FGD4: variants seen among roughly 807,000 people sequenced by gnomAD.
The protein encoded by FGD4 is FYVE, RhoGEF and PH domain-containing protein 4.
FGD4 carries 42 observed loss-of-function variants against 102.0 expected under a neutral mutation model. The ratio of observed to expected loss-of-function variants is 0.41; its 90% CI spans 0.32 to 0.53. The LOEUF (loss-of-function observed/expected upper bound fraction) is 0.53, where lower values mean the gene tolerates loss of function less well. FGD4 is among the 20% of genes least tolerant of loss of function. FGD4 has a pLI of 0.21. For synonymous variants in FGD4, 380 were observed against 375.7 expected, an observed-to-expected ratio of 1.01 and a Z score of -0.13; for missense variants, 902 against 1,078.2, an observed-to-expected ratio of 0.84 and a Z score of 2.29.
chr12:32,575,319 C>T (rs1176396747), intron 2 of FGD4, among the ~76,000 whole-genome samples: 1 of 152,098 alleles, frequency 6.6e-6, no homozygotes, highest in African/African-American at 2.4e-5. Flanking sequence ...GTGAGAGCCT[C>T]AGGCTGCTTC....
chr12:32,640,739 G>A lies in FGD4; in HGVS notation c.*206G>A. ...TACCGATAAAGTTTTGAAATAATGT[G>A]AAAACTGGAGCATTTTTTGAGCTAT... On this transcript the variant is annotated 3_prime_UTR_variant, in exon 17 of 17. Transcript: ENST00000534526. 7.1e-6 allele frequency: 5 copies of A among 706,424 alleles called. No homozygotes were observed. Among genetic ancestry groups the A allele is most frequent in the Non-Finnish European group, 1.2e-5 (5 of 433,460 alleles). The allele number at this position is 706,424 out of a possible 1,614,324, so 43.8% of individuals were successfully genotyped here.
intron 14 of FGD4, 118 bp downstream of exon 14, chr12:32,625,897 G>A (rs1200007909): frequency 7.1e-7 from 1 of 1,417,536 alleles, no homozygotes; most frequent in Non-Finnish European, 9.9e-7. Context: ...ATTTATTTTG[G>A]TGCCAATTAC....
intron 1 of FGD4, among the ~76,000 whole-genome samples, chr12:32,523,642 A>G (rs1940780664): frequency 6.6e-6 from 1 of 152,248 alleles, no homozygotes; most frequent in African/African-American, 2.4e-5. Context: ...ATAAACTTTT[A>G]TCTGCTTGCA....
At chr12:32,484,460 A>G (rs1164095902) in intron 1 of FGD4, among the ~76,000 whole-genome samples, 2 of 152,208 alleles carry the variant, frequency 1.3e-5, no homozygotes, top group Non-Finnish European at 2.9e-5. Flanking sequence ...TTTGATTCTG[A>G]CTACAACATC....
intron 1 of FGD4, among the ~76,000 whole-genome samples, chr12:32,551,273 A>G (rs1020993967): frequency 5.9e-5 from 9 of 152,222 alleles, no homozygotes; most frequent in Admixed American, 3.3e-4. Context: ...CTGGAGGAGC[A>G]GAGACTAAGG....
chr12:32,603,526 C>T (rs1196116231), intron 7 of FGD4, among the ~76,000 whole-genome samples: 3 of 151,948 alleles, frequency 2.0e-5, no homozygotes, highest in Non-Finnish European at 4.4e-5. Context: ...GCTGGGACTA[C>T]AGGCGCCTGC....
At chr12:32,434,342 A>C (rs912506051) in intron 1 of FGD4, among the ~76,000 whole-genome samples, 1 of 152,232 alleles carries the variant, frequency 6.6e-6, no homozygotes, top group Non-Finnish European at 1.5e-5. Context: ...CTTCTAATTC[A>C]TAGAAAAGTT....
intron 1 of FGD4, among the ~76,000 whole-genome samples, chr12:32,496,100 C>T (rs1937800258): frequency 6.6e-6 from 1 of 152,184 alleles, no homozygotes; most frequent in African/African-American, 2.4e-5. Context: ...CTGATCATTA[C>T]ATTTTTGCTG....
At chr12:32,524,823 C>CAA (rs58484492) in intron 1 of FGD4, among the ~76,000 whole-genome samples, 165 of 126,524 alleles carry the variant, frequency 1.3e-3, no homozygotes, top group African/African-American at 3.6e-3. Flanking sequence ...GACACTGTTT[C>CAA]AAAAAAAAAA....
At chr12:32,555,792 G>A (rs147622087) in intron 1 of FGD4, among the ~76,000 whole-genome samples, 9,074 of 151,586 alleles carry the variant, frequency 0.06, 338 homozygotes, top group South Asian at 0.14. Flanking sequence ...GGATGGTCTC[G>A]ATCTCCTGAC....
intron 1 of FGD4, among the ~76,000 whole-genome samples, chr12:32,490,606 C>G (rs970872402): frequency 6.7e-6 from 1 of 148,494 alleles, no homozygotes; most frequent in African/African-American, 2.4e-5. Flanking sequence ...ACCATATTGG[C>G]CAGGCTGGTC....
intron 1 of FGD4, among the ~76,000 whole-genome samples, chr12:32,510,842 C>T (rs542589066): frequency 3.9e-4 from 60 of 152,228 alleles, no homozygotes; most frequent in Middle Eastern, 3.4e-3. Context: ...TATTCAACCC[C>T]GATGTTCTGT....
intron 1 of FGD4, among the ~76,000 whole-genome samples, chr12:32,533,722 G>C (rs1942004694): frequency 6.6e-6 from 1 of 152,122 alleles, no homozygotes. Flanking sequence ...GCCGCGCCTG[G>C]CTTTAATCTG....
chr12:32,546,911 T>C (rs919248874), intron 1 of FGD4, among the ~76,000 whole-genome samples: 4 of 152,210 alleles, frequency 2.6e-5, no homozygotes, highest in Non-Finnish European at 5.9e-5. Context: ...TGATGTCTAT[T>C]GAGTTATCCT....
At chr12:32,497,127 T>C (rs913968881) in intron 1 of FGD4, among the ~76,000 whole-genome samples, 1 of 152,178 alleles carries the variant, frequency 6.6e-6, no homozygotes, top group Non-Finnish European at 1.5e-5. Flanking sequence ...TTTGGCAGTG[T>C]ATACTTGGGC....
Position 32,624,449 on chromosome 12 carries a change from C to G in FGD4, c.1950C>G (p.Ile650Met). 1 of 1,599,610 alleles carries G rather than the reference C, an allele frequency of 6.3e-7. No individual in the cohort carries two copies. Among genetic ancestry groups the G allele is most frequent in the Non-Finnish European group, 8.5e-7 (1 of 1,170,308 alleles). Residue 650 changes from isoleucine to methionine, a missense_variant, in exon 12 of 17, where the codon ATC becomes ATG. Physicochemically the swap from Ile to Met is conservative, Grantham distance 10. Around this residue, in one of 2 missense-constraint regions of FGD4, gnomAD observed 459 missense variants for 619.0 expected, o/e 0.74. Transcript: ENST00000534526. Reference protein sequence around the residue: ...ASSAQDKEEWIKALQETIDAF... With the variant: ...ASSAQDKEEWMKALQETIDAF... ...CTGCGCAAGACAAAGAAGAATGGAT[C>G]AAGGTAAGCCTCATTTCTGTTTCCT...
At chr12:32,529,865 A>T (rs1182575820) in intron 1 of FGD4, among the ~76,000 whole-genome samples, 1 of 151,622 alleles carries the variant, frequency 6.6e-6, no homozygotes, top group Admixed American at 6.6e-5. Flanking sequence ...AATTTAAAAA[A>T]AAAAAAGCTG....
chr12:32,487,718 TGCCC>T (rs1244364149), intron 1 of FGD4, among the ~76,000 whole-genome samples: 1 of 152,212 alleles, frequency 6.6e-6, no homozygotes, highest in African/African-American at 2.4e-5. Flanking sequence ...TGAGCCACCA[TGCCC>T]AGCCAATTTA....
intron 1 of FGD4, among the ~76,000 whole-genome samples, chr12:32,439,242 C>T (rs1942345527): frequency 6.6e-6 from 1 of 152,188 alleles, no homozygotes; most frequent in Non-Finnish European, 1.5e-5. Flanking sequence ...TTGTGTCTGG[C>T]TTATAACATA....
Sources: allele counts gnomAD v4.1 joint callset (sites outside exome capture counted in the v4.1 genomes callset), GRCh38; gene constraint gnomAD v4.1.1; regional missense constraint gnomAD v4.1.1; transcripts MANE v1.5; gene names NCBI Gene and HGNC (gene_info 2026-07-23, HGNC 2026-07-21).